Variants in LIMCH1 observed in about 807,000 individuals in gnomAD.
LIMCH1 encodes the protein LIM and calponin homology domains 1, also known as LIM and calponin homology domains-containing protein 1.
A neutral mutation model predicts 176.5 loss-of-function variants in LIMCH1; 113 were observed. That is an observed-to-expected ratio of 0.64 (90% CI 0.55 to 0.75). The LOEUF is 0.75. Ranked by LOEUF, LIMCH1 falls within the 30% of genes least tolerant of loss-of-function variation. LIMCH1 has a pLI of 0.00. For synonymous variants in LIMCH1, 619 were observed against 645.9 expected (o/e 0.96, Z 0.63); for missense variants, 1,674 against 1,814.9 (o/e 0.92, Z 1.41).
At chr4:41,697,127 A>T in intron 31 of LIMCH1, 33 bp from the exon 32 acceptor site, 2 of 1,611,482 alleles carry the variant, frequency 1.2e-6, no homozygotes, top group Non-Finnish European at 1.7e-6. Flanking sequence ...GTTGCCTACC[A>T]CTCTTGTTTG....
chr4:41,583,034 A>G (rs1442357707), intron 1 of LIMCH1, among the ~76,000 whole-genome samples: 2 of 152,204 alleles, frequency 1.3e-5, no homozygotes, highest in African/African-American at 2.4e-5. Context: ...TGCAAGCATC[A>G]CCACCATCCT....
Position 41,646,241 on chromosome 4 carries a change from G to C in LIMCH1, c.2372G>C (p.Arg791Thr), listed in dbSNP as rs762387659. The C allele has an allele frequency of 1.7e-5, 28 of 1,612,298 alleles. No homozygotes were observed. Among genetic ancestry groups the C allele is most frequent in the Non-Finnish European group, 2.4e-5 (28 of 1,179,720 alleles). The stretch of plus-strand genomic sequence containing the variant: ...GGAGAAGATGGGACAAGTGAACGAA[G>C]GAAAAGCATCAAAACCTACAGAGAA... ...LAGEDGTSERRKSIKTYREIV... is the reference protein window; with the variant it reads ...LAGEDGTSERTKSIKTYREIV... The change falls in exon 16 of 32, where the codon AGG becomes ACG. Residue 791 changes from arginine to threonine, a missense_variant. Physicochemically the swap from Arg to Thr is moderately conservative, Grantham distance 71 (BLOSUM62 -1). Around this residue, in one of 3 missense-constraint regions of LIMCH1, gnomAD observed 1,015 missense variants for 1,102.5 expected, o/e 0.92. Coordinates refer to ENST00000503057, the MANE Select transcript of LIMCH1 (RefSeq NM_001330672.2).
intron 3 of LIMCH1, among the ~76,000 whole-genome samples, chr4:41,525,869 G>A (rs1337369687): frequency 3.3e-5 from 5 of 151,996 alleles, no homozygotes; most frequent in Admixed American, 3.3e-4. Context: ...GGCAACTCTG[G>A]ACCCTGGAGC....
chr4:41,443,183 GTTTTTTTTCTTTTTTT>G (rs2062881819), intron 1 of LIMCH1, among the ~76,000 whole-genome samples: 1 of 27,374 alleles, frequency 3.7e-5, no homozygotes, highest in Non-Finnish European at 5.7e-5. Flanking sequence ...CATATTGGAT[GTTTTTTTTCTTTTTTT>G]TTTTTTTTTT....
chr4:41,530,819 ATTTTT>A (rs71650934), intron 3 of LIMCH1, among the ~76,000 whole-genome samples: 1 of 84,724 alleles, frequency 1.2e-5, no homozygotes, highest in African/African-American at 5.7e-5. Flanking sequence ...AAAAAAAAAA[ATTTTT>A]TTTTTTTTTT....
At chr4:41,621,577 C>A (rs1164156990) in intron 7 of LIMCH1, among the ~76,000 whole-genome samples, 1 of 151,566 alleles carries the variant, frequency 6.6e-6, no homozygotes, top group Non-Finnish European at 1.5e-5. Context: ...TCTTGGCTCA[C>A]TGCAACCTCT....
At chr4:41,687,095 C>T (rs1321140116) in intron 28 of LIMCH1, among the ~76,000 whole-genome samples, 1 of 152,160 alleles carries the variant, frequency 6.6e-6, no homozygotes, top group Non-Finnish European at 1.5e-5. Flanking sequence ...GACACATGGA[C>T]TCCCACGCTG....
intron 1 of LIMCH1, among the ~76,000 whole-genome samples, chr4:41,557,989 A>T (rs188188703): frequency 1.3e-5 from 2 of 152,062 alleles, no homozygotes; most frequent in African/African-American, 4.8e-5. Context: ...TAAGGGTTGC[A>T]GATTATCTAC....
At chr4:41,486,975 C>CAT (rs923691857) in intron 1 of LIMCH1, among the ~76,000 whole-genome samples, 1 of 109,588 alleles carries the variant, frequency 9.1e-6, no homozygotes, top group African/African-American at 4.2e-5. Flanking sequence ...CACACACATA[C>CAT]ATACACACAC....
intron 1 of LIMCH1, chr4:41,551,339 A>T (rs2080389504): frequency 6.6e-6 from 1 of 152,194 alleles, no homozygotes. Flanking sequence ...ATCCTTCCAA[A>T]CAAGTGCATG....
chr4:41,532,832 TA>T (rs2077473443), intron 3 of LIMCH1, among the ~76,000 whole-genome samples: 1 of 152,202 alleles, frequency 6.6e-6, no homozygotes, highest in Non-Finnish European at 1.5e-5. Flanking sequence ...AATTGCTCTA[TA>T]ACAAATTACC....
chr4:41,499,707 A>G (rs1295642826), intron 2 of LIMCH1, among the ~76,000 whole-genome samples: 1 of 152,108 alleles, frequency 6.6e-6, no homozygotes. Context: ...AGTCCCAGCT[A>G]CTCGGGAGGC....
intron 3 of LIMCH1, among the ~76,000 whole-genome samples, chr4:41,532,632 G>C (rs886318890): frequency 2.6e-5 from 4 of 152,308 alleles, no homozygotes; most frequent in African/African-American, 7.2e-5. Flanking sequence ...GGGGAGTTCT[G>C]ATGCCCACTG....
chr4:41,570,550 G>A (rs931695101), intron 1 of LIMCH1, among the ~76,000 whole-genome samples: 4 of 152,194 alleles, frequency 2.6e-5, no homozygotes, highest in Non-Finnish European at 4.4e-5. Context: ...TAATTTTGAG[G>A]AAGAATGAAT....
At chr4:41,410,893 T>C (rs766185224) in intron 1 of LIMCH1, among the ~76,000 whole-genome samples, 48 of 152,198 alleles carry the variant, frequency 3.2e-4, no homozygotes, top group South Asian at 1.2e-3. Flanking sequence ...ACCTGGCCCT[T>C]ACCTAAGCCC....
At chr4:41,397,162 C>G (rs942816971) in intron 1 of LIMCH1, among the ~76,000 whole-genome samples, 1 of 152,152 alleles carries the variant, frequency 6.6e-6, no homozygotes, top group Non-Finnish European at 1.5e-5. Flanking sequence ...TTCCTTGCTT[C>G]TAAGAAAGAC....
intron 1 of LIMCH1, among the ~76,000 whole-genome samples, chr4:41,559,203 A>G (rs2081725738): frequency 6.6e-6 from 1 of 152,144 alleles, no homozygotes; most frequent in Non-Finnish European, 1.5e-5. Flanking sequence ...TTTGCCCCCT[A>G]AAACATAATA....
chr4:41,675,041 G>A (rs1024929844), intron 22 of LIMCH1, among the ~76,000 whole-genome samples: 1 of 152,154 alleles, frequency 6.6e-6, no homozygotes, highest in African/African-American at 2.4e-5. Context: ...TAGATTATTG[G>A]CCCACTTGGG....
intron 7 of LIMCH1, among the ~76,000 whole-genome samples, chr4:41,624,162 G>T (rs1462238658): frequency 4.0e-5 from 6 of 151,860 alleles, no homozygotes; most frequent in Admixed American, 2.0e-4. Context: ...ACTTTTTTTT[G>T]AACTGAATTA....
Sources: gnomAD v4.1 joint callset for allele counts (sites outside exome capture counted in the v4.1 genomes callset) on GRCh38, gnomAD v4.1.1 for gene constraint, gnomAD v4.1.1 regional missense constraint, MANE v1.5 for transcripts, NCBI Gene and HGNC (gene_info 2026-07-23, HGNC 2026-07-21) for gene names.